The following SLC39A8 variants were observed in gnomAD, a reference collection of about 807,000 sequenced individuals.
SLC39A8 encodes the protein metal cation symporter ZIP8.
A neutral mutation model predicts 40.4 loss-of-function variants in SLC39A8; 15 were observed. The ratio of observed to expected loss-of-function variants is 0.37; its 90% CI spans 0.25 to 0.57. The LOEUF (loss-of-function observed/expected upper bound fraction) is 0.57. SLC39A8 is among the 20% of genes least tolerant of loss of function. The pLI, the probability that SLC39A8 is intolerant of heterozygous loss-of-function variation, is 0.75. For synonymous variants in SLC39A8, 223 were observed against 221.6 expected (o/e 1.01, Z -0.06); for missense variants, 472 against 558.8 (o/e 0.84, Z 1.57).
intron 6 of SLC39A8, among the ~76,000 whole-genome samples, chr4:102,293,379 C>T (rs1028933429): frequency 7.2e-5 from 11 of 151,900 alleles, no homozygotes; most frequent in Admixed American, 5.3e-4. Context: ...CATTGTCCTA[C>T]GAGCCCTTGC....
rs116736842 is a variant in SLC39A8 at position 102,310,136 on chromosome 4, T to C, written c.383-2531A>G. On this transcript the variant is annotated intron_variant, in intron 3 of 8. Coordinates refer to ENST00000356736, the MANE Select transcript of SLC39A8 (RefSeq NM_001135146.2). ...CAACATGGCCTTTACCCAAACACTA[T>C]GTTTTCCCAACCGAGCTTTACCTTT... Among the ~76,000 whole-genome samples the C allele has an allele frequency of 9.9e-4, 151 of 152,146 alleles. 1 individual carries two copies. Among genetic ancestry groups the C allele is most frequent in the African/African-American group, 3.6e-3 (148 of 41,532 alleles).
At chr4:102,327,321 G>C (rs1381069013) in intron 2 of SLC39A8, among the ~76,000 whole-genome samples, 2 of 152,160 alleles carry the variant, frequency 1.3e-5, no homozygotes, top group South Asian at 2.1e-4. Context: ...AACCTCACTT[G>C]CCTGTCTCTA....
chr4:102,331,775 G>T (rs1374147745), intron 2 of SLC39A8, among the ~76,000 whole-genome samples: 1 of 152,158 alleles, frequency 6.6e-6, no homozygotes, highest in Non-Finnish European at 1.5e-5. Context: ...ATAGTACAAG[G>T]CTACAGTAAC....
intron 6 of SLC39A8, among the ~76,000 whole-genome samples, chr4:102,284,957 C>T (rs1733094591): frequency 6.6e-6 from 1 of 152,112 alleles, no homozygotes; most frequent in South Asian, 2.1e-4. Context: ...ATGGAACCCT[C>T]CAATGTAATC....
intron 2 of SLC39A8, among the ~76,000 whole-genome samples, chr4:102,335,530 AC>A (rs746179992): frequency 9.2e-4 from 140 of 152,228 alleles, no homozygotes; most frequent in Admixed American, 3.2e-3. Context: ...TCAATTTAAA[AC>A]CGCAATTCTA....
chr4:102,262,983 T>C lies in SLC39A8; in HGVS notation c.*61A>G. 2 of 1,514,906 alleles carry C rather than the reference T, an allele frequency of 1.3e-6. No individual in the cohort carries two copies. The highest frequency in any genetic ancestry group is 8.8e-7 in the Non-Finnish European group (1 of 1,133,070). The allele number at this position is 1,514,906 out of a possible 1,614,324, so 93.8% of individuals were successfully genotyped here. ...CTAAATAGGATCAGCTTCAAAATCC[T>C]TTTTGGAGATGTTTTTATCTATTAA... On this transcript the variant is annotated 3_prime_UTR_variant, in exon 9 of 9. Transcript: ENST00000356736.
intron 6 of SLC39A8, among the ~76,000 whole-genome samples, chr4:102,290,555 T>C (rs150422498): frequency 1.1e-4 from 16 of 152,234 alleles, no homozygotes; most frequent in Non-Finnish European, 1.9e-4. Context: ...ACTGTTCTCC[T>C]TGTCTACAAC....
At chr4:102,298,092 A>G (rs7654606) in intron 6 of SLC39A8, among the ~76,000 whole-genome samples, 68,196 of 151,716 alleles carry the variant, frequency 0.45, 15,444 homozygotes, top group Non-Finnish European at 0.47. Context: ...GAGGTGAGAC[A>G]GCAGAGTTCA....
intron 2 of SLC39A8, among the ~76,000 whole-genome samples, chr4:102,339,222 A>C (rs1735806730): frequency 6.6e-6 from 1 of 152,112 alleles, no homozygotes; most frequent in Non-Finnish European, 1.5e-5. Flanking sequence ...AGACCTAGGT[A>C]ACCTCACCCT....
intron 3 of SLC39A8, among the ~76,000 whole-genome samples, chr4:102,312,848 T>C (rs1734491445): frequency 6.6e-6 from 1 of 152,126 alleles, no homozygotes; most frequent in Non-Finnish European, 1.5e-5. Flanking sequence ...TCAACATAGC[T>C]GGAAAATTAC....
At chr4:102,304,238 GACTT>G (rs1734036670) in intron 6 of SLC39A8, 75 bp downstream of exon 6, 1 of 1,105,294 alleles carries the variant, frequency 9.0e-7, no homozygotes, top group South Asian at 1.7e-5. Context: ...TACAAAAACT[GACTT>G]AGCTGCATAA....
At position 102,267,975 on chromosome 4, in the gene SLC39A8, A is replaced by G. The variant is rs1732180890; in HGVS notation, c.945T>C (p.Asn315=). ...CCCCAATCGCCAGGCCATCGATGAA[A>G]TTGTGGAGGGCATCGCAGAGCGTTA... is the stretch of plus-strand genomic sequence containing the variant. ...WMITLCDALH[N]FIDGLAIGAS... Residue 315 remains asparagine, a synonymous_variant, in exon 7 of 9, where the codon AAT becomes AAC. Transcript: ENST00000356736. 6.2e-7 allele frequency: 1 copy of G among 1,614,212 alleles called. No homozygotes were observed. Among genetic ancestry groups the G allele is most frequent in the Middle Eastern group, 1.6e-4 (1 of 6,062 alleles).
At chr4:102,300,916 A>G (rs955671865) in intron 6 of SLC39A8, among the ~76,000 whole-genome samples, 7 of 151,982 alleles carry the variant, frequency 4.6e-5, no homozygotes, top group African/African-American at 1.7e-4. Context: ...TTTTTTGTGC[A>G]ATGTAAACAA....
chr4:102,303,936 A>G (rs1018146463), intron 6 of SLC39A8, among the ~76,000 whole-genome samples: 2 of 151,916 alleles, frequency 1.3e-5, no homozygotes, highest in African/African-American at 4.8e-5. Flanking sequence ...TAATTTGCAA[A>G]TCTTCTTGCA....
chr4:102,343,867 A>G (rs981662499), intron 2 of SLC39A8, among the ~76,000 whole-genome samples: 1 of 152,212 alleles, frequency 6.6e-6, no homozygotes, highest in Non-Finnish European at 1.5e-5. Flanking sequence ...AACTAACAAT[A>G]TAAGCCTAGT....
At chr4:102,297,503 T>C (rs1477104789) in intron 6 of SLC39A8, among the ~76,000 whole-genome samples, 1 of 152,010 alleles carries the variant, frequency 6.6e-6, no homozygotes, top group Non-Finnish European at 1.5e-5. Flanking sequence ...AGTTGGACAG[T>C]TGTGGGAAAG....
intron 6 of SLC39A8, among the ~76,000 whole-genome samples, chr4:102,297,009 G>A (rs1465121600): frequency 1.3e-5 from 2 of 152,098 alleles, no homozygotes; most frequent in Non-Finnish European, 2.9e-5. Flanking sequence ...CGGAGTGGGA[G>A]CATTGCTTGA....
chr4:102,273,195 G>A (rs1578562832), intron 6 of SLC39A8, among the ~76,000 whole-genome samples: 1 of 152,224 alleles, frequency 6.6e-6, no homozygotes, highest in East Asian at 1.9e-4. Context: ...AGACCCACTG[G>A]CTTGAAATTC....
chr4:102,301,546 C>T (rs1051620087), intron 6 of SLC39A8, among the ~76,000 whole-genome samples: 2 of 151,974 alleles, frequency 1.3e-5, no homozygotes, highest in Non-Finnish European at 2.9e-5. Context: ...ACTGTAAGCT[C>T]CTCAAGAATT....
Sources: gnomAD v4.1 joint callset for allele counts (sites outside exome capture counted in the v4.1 genomes callset) on GRCh38, gnomAD v4.1.1 for gene constraint, MANE v1.5 for transcripts, NCBI Gene and HGNC (gene_info 2026-07-23, HGNC 2026-07-21) for gene names.